Variants in PCDHA7 observed in about 807,000 individuals in gnomAD.
The protein encoded by PCDHA7 is protocadherin alpha-7.
Under a neutral mutation model 57.2 loss-of-function variants are expected in PCDHA7, and 37 were observed. That is an observed-to-expected ratio of 0.65 (90% CI 0.50 to 0.85). The LOEUF (loss-of-function observed/expected upper bound fraction) is 0.85. Among genes scored for constraint, PCDHA7 ranks in the 40% least tolerant of loss-of-function variants. PCDHA7 has a pLI of 0.00. For missense variants in PCDHA7, 1,188 were observed against 1,241.8 expected (o/e 0.96, Z 0.65); for synonymous variants, 553 against 558.8 (o/e 0.99, Z 0.15).
At chr5:140,843,810 T>C in intron 1 of PCDHA7, 1 of 1,274,540 alleles carries the variant, frequency 7.8e-7, no homozygotes, top group Non-Finnish European at 1.1e-6. Context: ...CCGTATTTTA[T>C]AGTGAAAATT....
At chr5:140,926,722 C>A in intron 1 of PCDHA7, 1 of 1,027,126 alleles carries the variant, frequency 9.7e-7, no homozygotes, top group East Asian at 3.0e-5. Flanking sequence ...CCCGGCAATG[C>A]CGGCGTTCGG....
Position 140,979,220 on chromosome 5 carries a change from C to T in PCDHA7, c.2414+213C>T, listed in dbSNP as rs552719327. ...TATCAAGTGCTGGCATATAAGAGTC[C>T]TCTGTAAAATCACAGAAACAGGCTG... On this transcript the variant is annotated intron_variant, in intron 2 of 3. Transcript: ENST00000525929. Among the ~76,000 whole-genome samples, 27 of 152,304 alleles carry T rather than the reference C, an allele frequency of 1.8e-4. 1 individual carries two copies. The highest frequency in any genetic ancestry group is 6.3e-4 in the African/African-American group (26 of 41,574).
chr5:140,843,397 G>A lies in PCDHA7; in HGVS notation c.2355+6659G>A, dbSNP rs2150359226. 4 of 1,596,068 alleles carry A rather than the reference G, an allele frequency of 2.5e-6. No homozygotes were observed. In the East Asian group the frequency reaches 6.7e-5, roughly 27 times the overall value. On this transcript the variant is annotated intron_variant, in intron 1 of 3. Coordinates refer to ENST00000525929, the MANE Select transcript of PCDHA7 (RefSeq NM_018910.3). ...CTGGCGTTTTGGGTCCGGAAGCGGC[G>A]CTGGTGGATGTCAACGTGTACCTGA... is the stretch of plus-strand genomic sequence containing the variant.
At chr5:140,850,389 A>T in intron 1 of PCDHA7, 1 of 1,597,864 alleles carries the variant, frequency 6.3e-7, no homozygotes, top group South Asian at 1.1e-5. Context: ...GGGCGAGATC[A>T]GCACAACGCG....
chr5:140,889,241 T>C (rs987868473), intron 1 of PCDHA7, among the ~76,000 whole-genome samples: 120 of 151,950 alleles, frequency 7.9e-4, no homozygotes, highest in African/African-American at 2.7e-3. Context: ...TCCAGAAAAT[T>C]TTCTGTTTCC....
At chr5:140,979,211 A>G (rs1241898337) in intron 2 of PCDHA7, among the ~76,000 whole-genome samples, 18 of 152,222 alleles carry the variant, frequency 1.2e-4, no homozygotes, top group Admixed American at 7.9e-4. Context: ...GTGCTGGCAT[A>G]TAAGAGTCCT....
intron 1 of PCDHA7, chr5:140,884,430 T>C: frequency 1.9e-6 from 3 of 1,613,922 alleles, no homozygotes; most frequent in Non-Finnish European, 2.5e-6. Context: ...TATACTGCGC[T>C]GCGGTGCTCG....
At chr5:140,858,570 C>A (rs1212586718) in intron 1 of PCDHA7, 2 of 1,363,070 alleles carry the variant, frequency 1.5e-6, no homozygotes, top group Non-Finnish European at 1.0e-6. Flanking sequence ...TCTAGTGATA[C>A]CTTTGTAATA....
At chr5:140,856,118 G>T in intron 1 of PCDHA7, 2 of 1,598,234 alleles carry the variant, frequency 1.3e-6, no homozygotes, top group Non-Finnish European at 1.7e-6. Flanking sequence ...CGCAGCCTGG[G>T]AGGTGGGGAG....
chr5:140,947,543 G>A (rs1013985097), intron 1 of PCDHA7, among the ~76,000 whole-genome samples: 1 of 151,548 alleles, frequency 6.6e-6, no homozygotes, highest in African/African-American at 2.4e-5. Context: ...TTTCTACAAA[G>A]AATTCCGCTG....
chr5:140,951,667 C>A (rs180768474), intron 1 of PCDHA7, among the ~76,000 whole-genome samples: 10 of 152,274 alleles, frequency 6.6e-5, no homozygotes, highest in African/African-American at 2.4e-4. Context: ...GGCCTGCCTA[C>A]AAAATTGGGG....
rs2098422174 is a variant in PCDHA7 at position 141,011,893 on chromosome 5, T to G, written c.*1956T>G. On this transcript the variant is annotated 3_prime_UTR_variant, in exon 4 of 4. Coordinates refer to ENST00000525929, the MANE Select transcript of PCDHA7 (RefSeq NM_018910.3). ...CAATTTAGAAGTTTGATTAATTATATTATCTATTTAGGCATTAATATAAAA... is the reference window on the plus strand; with the variant it reads ...CAATTTAGAAGTTTGATTAATTATAGTATCTATTTAGGCATTAATATAAAA... The G allele has an allele frequency of 6.5e-6, 1 of 153,362 alleles. No individual in the cohort carries two copies. Among genetic ancestry groups the G allele is most frequent in the Admixed American group, 6.5e-5 (1 of 15,272 alleles). 9.5% of individuals were successfully genotyped at this position (153,362 alleles called of 1,614,324 possible). A position where few individuals can be genotyped will look rare whatever the true frequency, so the allele number is the denominator to read the frequency against.
chr5:140,865,376 G>A (rs1554159396), intron 1 of PCDHA7: 1 of 152,162 alleles, frequency 6.6e-6, no homozygotes, highest in African/African-American at 2.4e-5. Context: ...CATGTTATAG[G>A]TAGGGTAAAG....
chr5:140,895,281 A>C (rs2064944456), intron 1 of PCDHA7, among the ~76,000 whole-genome samples: 1 of 152,118 alleles, frequency 6.6e-6, no homozygotes, highest in South Asian at 2.1e-4. Context: ...GGATAATTGA[A>C]TTAGGACCTT....
intron 1 of PCDHA7, among the ~76,000 whole-genome samples, chr5:140,922,496 G>A (rs1554200851): frequency 6.6e-6 from 1 of 152,222 alleles, no homozygotes; most frequent in African/African-American, 2.4e-5. Flanking sequence ...ATCTGAGAGT[G>A]AGCAGATGCA....
At chr5:140,966,425 G>A in intron 1 of PCDHA7, 1 of 421,678 alleles carries the variant, frequency 2.4e-6, no homozygotes, top group South Asian at 9.9e-5. Flanking sequence ...GACTTGCTGA[G>A]CCCTCCTACC....
At chr5:140,848,313 C>T in intron 1 of PCDHA7, 1 of 730,618 alleles carries the variant, frequency 1.4e-6, no homozygotes, top group Non-Finnish European at 2.3e-6. Context: ...CACTCTTTGC[C>T]GCGATGTTCT....
At chr5:140,967,560 A>C (rs2096156699) in intron 1 of PCDHA7, 2 of 1,613,966 alleles carry the variant, frequency 1.2e-6, no homozygotes, top group Non-Finnish European at 1.7e-6. Context: ...TATCGCGTCC[A>C]GCTACGGGAG....
At chr5:140,984,566 C>T (rs899278255) in intron 3 of PCDHA7, among the ~76,000 whole-genome samples, 4 of 152,124 alleles carry the variant, frequency 2.6e-5, no homozygotes, top group Non-Finnish European at 5.9e-5. Context: ...TCCAACTACT[C>T]CATGGCAACC....
Sources: gnomAD v4.1 joint callset for allele counts (sites outside exome capture counted in the v4.1 genomes callset) on GRCh38, gnomAD v4.1.1 for gene constraint, MANE v1.5 for transcripts, NCBI Gene and HGNC (gene_info 2026-07-23, HGNC 2026-07-21) for gene names.